IGF2R: variants seen among roughly 807,000 people sequenced by gnomAD.
IGF2R encodes the protein cation-independent mannose-6-phosphate receptor.
A neutral mutation model predicts 270.6 loss-of-function variants in IGF2R; 91 were observed. The observed-to-expected ratio is 0.34, with a 90% CI of 0.28 to 0.40. The LOEUF is 0.40. IGF2R is among the 10% of genes least tolerant of loss of function. The pLI is 1.00. For missense variants in IGF2R, 2,805 were observed against 3,188.3 expected, an observed-to-expected ratio of 0.88 and a Z score of 2.90; for synonymous variants, 1,316 against 1,258.9, an observed-to-expected ratio of 1.05 and a Z score of -0.96.
chr6:159,980,236 A>AAAGGAAAGAAGAAAGAAAGG (rs1491249507), intron 1 of IGF2R, among the ~76,000 whole-genome samples: 1 of 136,078 alleles, frequency 7.3e-6, no homozygotes, highest in Non-Finnish European at 1.6e-5. Flanking sequence ...AGAAAGAAAG[A>AAAGGAAAGAAGAAAGAAAGG]AAGGTACATG....
chr6:160,034,402 T>C lies in IGF2R; in HGVS notation c.1212-17T>C. The C allele has an allele frequency of 6.6e-7, 1 of 1,512,504 alleles. No individual in the cohort carries two copies. 93.7% of individuals were successfully genotyped at this position (1,512,504 alleles called of 1,614,324 possible). On this transcript the variant is annotated splice_polypyrimidine_tract_variant and intron_variant, in intron 9 of 47. Coordinates refer to ENST00000356956, the MANE Select transcript of IGF2R (RefSeq NM_000876.4). ...GTTCTCCCAAACACATTTGTCTGTG[T>C]ATTCACAAAAATCTAGATATTCGGA...
intron 1 of IGF2R, among the ~76,000 whole-genome samples, chr6:159,981,409 C>T (rs540448807): frequency 2.0e-5 from 3 of 152,222 alleles, no homozygotes; most frequent in South Asian, 2.1e-4. Flanking sequence ...GAGATGCCTC[C>T]GGACAGGGGC....
chr6:160,051,793 C>T (rs144035313), intron 19 of IGF2R, among the ~76,000 whole-genome samples: 38 of 152,060 alleles, frequency 2.5e-4, no homozygotes, highest in African/African-American at 7.7e-4. Flanking sequence ...ACCCCATCTA[C>T]AAAAAATTTA....
intron 44 of IGF2R, chr6:160,094,392 G>C (rs1779300235): frequency 4.7e-6 from 1 of 212,766 alleles, no homozygotes; most frequent in African/African-American, 2.3e-5. Context: ...GAGTCTGCCA[G>C]CATGCTTCTC....
intron 20 of IGF2R, among the ~76,000 whole-genome samples, chr6:160,056,986 G>A (rs1336763713): frequency 6.6e-6 from 1 of 152,188 alleles, no homozygotes; most frequent in South Asian, 2.1e-4. Context: ...GGTAAGGCCT[G>A]TGTGTCTCTC....
rs1778490405 is a variant in IGF2R at position 160,063,578 on chromosome 6, G to A, written c.3834G>A (p.Val1278=). 2 of 1,614,214 alleles carry A rather than the reference G, an allele frequency of 1.2e-6. No individual in the cohort carries two copies. The highest frequency in any genetic ancestry group is 8.5e-7 in the Non-Finnish European group (1 of 1,180,024). ...DVCPTSDKSK[V]VSSCQEKREP... ...GCCCCACAAGTGACAAGTCCAAGGT[G>A]GTCTCCTCATGTCAGGAAAAGCGGG... The change falls in exon 27 of 48, where the codon GTG becomes GTA. Residue 1278 remains valine (V), a synonymous_variant. Transcript: ENST00000356956.
intron 4 of IGF2R, among the ~76,000 whole-genome samples, chr6:160,013,836 T>C (rs1777207345): frequency 6.6e-6 from 1 of 152,216 alleles, no homozygotes; most frequent in African/African-American, 2.4e-5. Flanking sequence ...TAATAAAGCG[T>C]ATGCCCTTTT....
chr6:160,098,394 CAG>C (rs997331631), intron 45 of IGF2R, among the ~76,000 whole-genome samples: 1 of 152,074 alleles, frequency 6.6e-6, no homozygotes, highest in African/African-American at 2.4e-5. Flanking sequence ...AAAAAAGAAA[CAG>C]AAGTTGAAAC....
intron 45 of IGF2R, among the ~76,000 whole-genome samples, chr6:160,099,913 A>G (rs1779445760): frequency 6.6e-6 from 1 of 152,220 alleles, no homozygotes; most frequent in Admixed American, 6.5e-5. Flanking sequence ...GAAGGAAGAA[A>G]AGGTAGAGTT....
At chr6:160,017,390 G>A (rs911636271) in intron 4 of IGF2R, among the ~76,000 whole-genome samples, 6 of 152,152 alleles carry the variant, frequency 3.9e-5, no homozygotes, top group Non-Finnish European at 8.8e-5. Flanking sequence ...AACCTATAAA[G>A]CATAGATATT....
At chr6:159,988,821 C>A (rs1165947722) in intron 1 of IGF2R, among the ~76,000 whole-genome samples, 1 of 152,004 alleles carries the variant, frequency 6.6e-6, no homozygotes, top group African/African-American at 2.4e-5. Context: ...GAGGGCAGGG[C>A]GTCTTTGTTT....
rs8191723 is a variant in IGF2R, at chr6:160,008,268, A to T, written c.290-742A>T. On this transcript the variant is annotated intron_variant, in intron 2 of 47. Coordinates refer to ENST00000356956, the MANE Select transcript of IGF2R (RefSeq NM_000876.4). Reference sequence around the variant, plus strand: ...CCATATGGAAAACTATTTTGTTTCCAGTTCCGTTTTTATTTCCAGTTCTGT... The same window carrying T: ...CCATATGGAAAACTATTTTGTTTCCTGTTCCGTTTTTATTTCCAGTTCTGT... 4.6e-5 allele frequency among the ~76,000 whole-genome samples: 7 copies of T among 151,924 alleles called. No individual in the cohort carries two copies. In the East Asian group the frequency reaches 1.2e-3, roughly 25 times the overall value.
chr6:160,082,684 TG>T (rs1197907212), intron 39 of IGF2R, among the ~76,000 whole-genome samples: 1 of 152,132 alleles, frequency 6.6e-6, no homozygotes, highest in Non-Finnish European at 1.5e-5. Flanking sequence ...CCTAGGGCTG[TG>T]GGGTTATTAA....
intron 4 of IGF2R, among the ~76,000 whole-genome samples, chr6:160,020,746 G>A (rs540526526): frequency 5.3e-4 from 80 of 152,216 alleles, no homozygotes; most frequent in African/African-American, 1.9e-3. Flanking sequence ...AGCCATATGC[G>A]GAAGAATGAA....
At chr6:160,045,636 C>T (rs1778051829) in intron 13 of IGF2R, 109 bp from the exon 14 acceptor site, 1 of 1,356,516 alleles carries the variant, frequency 7.4e-7, no homozygotes, top group South Asian at 1.2e-5. Context: ...ATGCATTATA[C>T]CTCATTTCCC....
chr6:160,104,635 TAGG>T, intron 47 of IGF2R, 36 bp from the exon 48 acceptor site: 1 of 1,582,598 alleles, frequency 6.3e-7, no homozygotes, highest in Non-Finnish European at 8.6e-7. Flanking sequence ...TGGGGTCTCT[TAGG>T]GGGCTCACGT....
At chr6:160,027,113 C>T (rs1427678283) in intron 5 of IGF2R, 72 bp from the exon 6 acceptor site, 1 of 1,543,206 alleles carries the variant, frequency 6.5e-7, no homozygotes, top group Non-Finnish European at 8.9e-7. Flanking sequence ...TTAAAGGGAC[C>T]CTGGGTCTAA....
intron 10 of IGF2R, among the ~76,000 whole-genome samples, chr6:160,038,018 T>A (rs1777864421): frequency 6.6e-6 from 1 of 152,190 alleles, no homozygotes; most frequent in African/African-American, 2.4e-5. Context: ...GAGGAAAAAT[T>A]AAACTAGTTG....
intron 2 of IGF2R, among the ~76,000 whole-genome samples, chr6:159,993,249 C>G (rs1390065057): frequency 6.6e-6 from 1 of 152,232 alleles, no homozygotes; most frequent in East Asian, 1.9e-4. Context: ...TTAAATCTTA[C>G]TTGGCTATTT....
Sources: allele counts gnomAD v4.1 joint callset (sites outside exome capture counted in the v4.1 genomes callset), GRCh38; gene constraint gnomAD v4.1.1; transcripts MANE v1.5; gene names NCBI Gene and HGNC (gene_info 2026-07-23, HGNC 2026-07-21).